ABL2: variants seen among roughly 807,000 people sequenced by gnomAD.
ABL2 encodes the protein tyrosine-protein kinase ABL2.
ABL2 carries 49 observed loss-of-function variants against 107.7 expected under a neutral mutation model. That is an observed-to-expected ratio of 0.45 (90% CI 0.36 to 0.58). The LOEUF is 0.58. ABL2 is among the 20% of genes least tolerant of loss of function. The pLI is 0.00. For synonymous variants in ABL2, 549 were observed against 548.6 expected, an observed-to-expected ratio of 1.00 and a Z score of -0.01; for missense variants, 1,245 against 1,457.0, an observed-to-expected ratio of 0.85 and a Z score of 2.37.
chr1:179,192,549 C>G (rs973877192), intron 1 of ABL2, among the ~76,000 whole-genome samples: 1 of 152,142 alleles, frequency 6.6e-6, no homozygotes, highest in African/African-American at 2.4e-5. Flanking sequence ...TAATGGCACA[C>G]CAATTCACCC....
chr1:179,124,981 G>A (rs1052338615), intron 4 of ABL2, among the ~76,000 whole-genome samples: 7 of 152,054 alleles, frequency 4.6e-5, no homozygotes, highest in African/African-American at 1.7e-4. Flanking sequence ...TATCTATTAG[G>A]AGTCCTTCCC....
At chr1:179,154,123 CATT>C (rs1371326458) in intron 1 of ABL2, among the ~76,000 whole-genome samples, 11 of 152,176 alleles carry the variant, frequency 7.2e-5, no homozygotes, top group South Asian at 2.1e-4. Flanking sequence ...TTCAGCTCCT[CATT>C]ATTTCCTTGC....
chr1:179,136,815 C>A (rs1008847744), intron 1 of ABL2, among the ~76,000 whole-genome samples: 2 of 151,328 alleles, frequency 1.3e-5, no homozygotes, highest in Non-Finnish European at 1.5e-5. Flanking sequence ...ACTTCGGAGG[C>A]TGAGGCACGA....
At chr1:179,187,384 G>A (rs1295181937) in intron 1 of ABL2, among the ~76,000 whole-genome samples, 1 of 152,102 alleles carries the variant, frequency 6.6e-6, no homozygotes, top group East Asian at 1.9e-4. Context: ...CTAGCACTTT[G>A]ATATACATTG....
chr1:179,140,015 G>A (rs1340727308), intron 1 of ABL2, among the ~76,000 whole-genome samples: 1 of 152,186 alleles, frequency 6.6e-6, no homozygotes, highest in African/African-American at 2.4e-5. Context: ...TGATTTCCAT[G>A]CTTCCGTGCT....
intron 1 of ABL2, among the ~76,000 whole-genome samples, chr1:179,198,864 T>G (rs1468452639): frequency 6.8e-6 from 1 of 147,564 alleles, no homozygotes; most frequent in East Asian, 2.0e-4. Context: ...TTTTTAAAGA[T>G]GGAGTCTTGC....
intron 1 of ABL2, among the ~76,000 whole-genome samples, chr1:179,146,536 C>G (rs945280419): frequency 2.6e-5 from 4 of 151,892 alleles, no homozygotes; most frequent in Non-Finnish European, 4.4e-5. Context: ...AGGTTGAGTC[C>G]CAAGTGATAT....
At chr1:179,131,871 G>A (rs935543454) in intron 2 of ABL2, among the ~76,000 whole-genome samples, 6 of 152,164 alleles carry the variant, frequency 3.9e-5, no homozygotes, top group African/African-American at 1.4e-4. Context: ...GTAGTTTTAA[G>A]GAAGAAATGA....
At position 179,147,333 on chromosome 1, in the gene ABL2, A is replaced by G. The variant is rs553477420; in HGVS notation, c.158-13959T>C. 6.6e-5 allele frequency among the ~76,000 whole-genome samples: 10 copies of G among 152,318 alleles called. No homozygotes were observed. The South Asian group carries it at 2.1e-3, about 32-fold the overall frequency. ...TTCTCAAAGAACTACAAGTAGAACTATACTTCAATCCAGCAATCCCACTAC... is the reference window on the plus strand; with the variant it reads ...TTCTCAAAGAACTACAAGTAGAACTGTACTTCAATCCAGCAATCCCACTAC... On this transcript the variant is annotated intron_variant, in intron 1 of 11. Coordinates refer to ENST00000502732, the MANE Select transcript of ABL2 (RefSeq NM_007314.4).
chr1:179,128,051 A>G (rs1213475914), intron 3 of ABL2, among the ~76,000 whole-genome samples: 2 of 150,892 alleles, frequency 1.3e-5, no homozygotes, highest in Non-Finnish European at 3.0e-5. Flanking sequence ...AAAAAAGCAC[A>G]TGGCCAGAAG....
rs548430016 is a variant in ABL2, at chr1:179,139,112, A to G, written c.158-5738T>C. Among the ~76,000 whole-genome samples the G allele has an allele frequency of 2.9e-4, 44 of 152,218 alleles. No homozygotes were observed. The South Asian group carries it at 7.3e-3, about 25-fold the overall frequency. On this transcript the variant is annotated intron_variant, in intron 1 of 11. Coordinates refer to ENST00000502732, the MANE Select transcript of ABL2 (RefSeq NM_007314.4). ...GCAGGCCACCCACCCAGCAGTGGCA[A>G]CCCACTCGGGTCCCCTTCCACACTG...
rs59744061 is a variant in ABL2 at position 179,214,519 on chromosome 1, C to CATATATATATATATAT, written c.157+14706_157+14721dup. On this transcript the variant is annotated intron_variant, in intron 1 of 11. Coordinates refer to ENST00000502732, the MANE Select transcript of ABL2 (RefSeq NM_007314.4). The stretch of plus-strand genomic sequence containing the variant: ...CAATGGAACAACAGTTTTAAAATGA[C>CATATATATATATATAT]ATATATATATATATATATATATATA... Among the ~76,000 whole-genome samples, 410 of 122,072 alleles carry CATATATATATATATAT rather than the reference C, an allele frequency of 3.4e-3. 3 individuals are homozygous for CATATATATATATATAT. Among genetic ancestry groups the CATATATATATATATAT allele is most frequent in the South Asian group, 5.6e-3 (19 of 3,400 alleles). 80.1% of individuals were successfully genotyped at this position (122,072 alleles called of 152,430 possible).
At chr1:179,181,407 G>A (rs1448903454) in intron 1 of ABL2, among the ~76,000 whole-genome samples, 4 of 152,186 alleles carry the variant, frequency 2.6e-5, no homozygotes, top group Admixed American at 6.5e-5. Flanking sequence ...TATGGTAGAG[G>A]AGTGAGTATT....
At chr1:179,171,656 G>A (rs1449614615) in intron 1 of ABL2, among the ~76,000 whole-genome samples, 2 of 152,100 alleles carry the variant, frequency 1.3e-5, no homozygotes, top group African/African-American at 2.4e-5. Flanking sequence ...CCAAGTAGTT[G>A]GGACTATAGG....
chr1:179,174,906 A>T (rs866436742), intron 1 of ABL2, among the ~76,000 whole-genome samples: 2,747 of 109,930 alleles, frequency 0.025, 157 homozygotes, highest in African/African-American at 0.076. Flanking sequence ...AAAAAAAAAA[A>T]AATAAAATAA....
At chr1:179,136,377 C>G (rs1427205756) in intron 1 of ABL2, among the ~76,000 whole-genome samples, 1 of 152,130 alleles carries the variant, frequency 6.6e-6, no homozygotes, top group Non-Finnish European at 1.5e-5. Flanking sequence ...AAAAATTCTT[C>G]TGCCTTGGGA....
At chr1:179,224,146 A>C (rs1410035363) in intron 1 of ABL2, among the ~76,000 whole-genome samples, 5 of 150,252 alleles carry the variant, frequency 3.3e-5, no homozygotes, top group African/African-American at 1.2e-4. Context: ...AAAAAAAAAA[A>C]AAAAAAAAAA....
At chr1:179,113,866 G>A (rs28913569) in intron 9 of ABL2, among the ~76,000 whole-genome samples, 1,914 of 152,186 alleles carry the variant, frequency 0.013, 36 homozygotes, top group African/African-American at 0.042. Context: ...CCCGAGAGGT[G>A]GAGCTTGCAG....
At chr1:179,216,760 T>G (rs1422073092) in intron 1 of ABL2, among the ~76,000 whole-genome samples, 1 of 151,932 alleles carries the variant, frequency 6.6e-6, no homozygotes, top group East Asian at 2.0e-4. Flanking sequence ...GATCTGGGCC[T>G]GCAACCTCCA....
Sources: allele counts gnomAD v4.1 joint callset (sites outside exome capture counted in the v4.1 genomes callset), GRCh38; gene constraint gnomAD v4.1.1; transcripts MANE v1.5; gene names NCBI Gene and HGNC (gene_info 2026-07-23, HGNC 2026-07-21).